VTI1A: variants seen among roughly 807,000 people sequenced by gnomAD.
The protein encoded by VTI1A is vesicle transport through interaction with t-SNAREs 1A.
A neutral mutation model predicts 34.9 loss-of-function variants in VTI1A; 22 were observed. That is an observed-to-expected ratio of 0.63 (90% CI 0.45 to 0.90). VTI1A has a LOEUF of 0.90. VTI1A is among the 40% of genes least tolerant of loss of function. The pLI is 0.00. For synonymous variants in VTI1A, 87 were observed against 97.3 expected (o/e 0.89, Z 0.62); for missense variants, 268 against 275.6 (o/e 0.97, Z 0.20).
intron 3 of VTI1A, among the ~76,000 whole-genome samples, chr10:112,500,476 G>A (rs983076197): frequency 1.4e-4 from 22 of 151,842 alleles, no homozygotes; most frequent in African/African-American, 5.3e-4. Context: ...AAAGAAAATT[G>A]TTGCCAACAT....
intron 1 of VTI1A, chr10:112,450,589 C>T (rs979822434): frequency 6.6e-6 from 1 of 152,032 alleles, no homozygotes; most frequent in Non-Finnish European, 1.5e-5. Flanking sequence ...GAACTTTACT[C>T]TGCTGTGCAT....
At chr10:112,751,257 G>A (rs996579786) in intron 7 of VTI1A, among the ~76,000 whole-genome samples, 4 of 152,108 alleles carry the variant, frequency 2.6e-5, no homozygotes, top group African/African-American at 9.7e-5. Flanking sequence ...GTTGAAGAAA[G>A]GTTTGCTGGG....
At chr10:112,660,508 TA>T (rs1315055007) in intron 5 of VTI1A, among the ~76,000 whole-genome samples, 2 of 152,308 alleles carry the variant, frequency 1.3e-5, no homozygotes, top group East Asian at 3.9e-4. Flanking sequence ...TTACCTAAAT[TA>T]AACCCCAAGT....
chr10:112,505,776 C>T (rs1234393465), intron 3 of VTI1A, among the ~76,000 whole-genome samples: 1 of 151,924 alleles, frequency 6.6e-6, no homozygotes, highest in Non-Finnish European at 1.5e-5. Flanking sequence ...CAGGCTCAAG[C>T]AATCCTCCCA....
chr10:112,624,081 C>T (rs1845830322), intron 5 of VTI1A, among the ~76,000 whole-genome samples: 1 of 152,168 alleles, frequency 6.6e-6, no homozygotes, highest in Non-Finnish European at 1.5e-5. Context: ...CTTAGGGGCT[C>T]AGGAGTTGAA....
intron 5 of VTI1A, among the ~76,000 whole-genome samples, chr10:112,590,368 G>T (rs1941164618): frequency 6.6e-6 from 1 of 152,158 alleles, no homozygotes; most frequent in African/African-American, 2.4e-5. Context: ...CTCTATATAT[G>T]TTTGTGTATG....
chr10:112,568,776 C>A (rs975775128), intron 5 of VTI1A, among the ~76,000 whole-genome samples: 3 of 152,146 alleles, frequency 2.0e-5, no homozygotes, highest in African/African-American at 7.2e-5. Context: ...ATCAAGTCTT[C>A]ATGTTTTTCC....
intron 5 of VTI1A, among the ~76,000 whole-genome samples, chr10:112,655,612 C>T (rs1210311129): frequency 1.3e-5 from 2 of 151,806 alleles, no homozygotes; most frequent in African/African-American, 2.4e-5. Context: ...AGCTAAGAAA[C>T]GTGATGAATC....
chr10:112,582,978 A>G (rs1397905400), intron 5 of VTI1A, among the ~76,000 whole-genome samples: 1 of 152,100 alleles, frequency 6.6e-6, no homozygotes, highest in Non-Finnish European at 1.5e-5. Context: ...CCAGGAAGGG[A>G]GGCACGTTTG....
Position 112,818,293 on chromosome 10 carries a change from GA to G in VTI1A, c.*2916del, listed in dbSNP as rs1853580958. ...CATTAAGTAAAGAAATAAAGAGGGG[GA>G]AAAAAGCCTGCCTGTTCCAAAAACC... On this transcript the variant is annotated 3_prime_UTR_variant, in exon 8 of 8. Transcript: ENST00000393077. 4.3e-6 allele frequency: 1 copy of G among 232,720 alleles called. No homozygotes were observed. Among genetic ancestry groups the G allele is most frequent in the Non-Finnish European group, 8.5e-6 (1 of 117,516 alleles). 14.4% of individuals were successfully genotyped at this position (232,720 alleles called of 1,614,324 possible).
intron 1 of VTI1A, among the ~76,000 whole-genome samples, chr10:112,451,354 A>ACTG (rs1245482686): frequency 6.6e-6 from 1 of 152,240 alleles, no homozygotes; most frequent in African/African-American, 2.4e-5. Flanking sequence ...TAATGATATT[A>ACTG]CTGCTGCTGC....
intron 1 of VTI1A, among the ~76,000 whole-genome samples, chr10:112,453,278 C>T (rs1457151493): frequency 6.6e-6 from 1 of 152,114 alleles, no homozygotes; most frequent in Non-Finnish European, 1.5e-5. Flanking sequence ...TGATGTTAAC[C>T]TTTATCACGT....
chr10:112,520,358 C>T (rs1471264359), intron 3 of VTI1A, among the ~76,000 whole-genome samples: 1 of 151,970 alleles, frequency 6.6e-6, no homozygotes, highest in Non-Finnish European at 1.5e-5. Flanking sequence ...CAAGCATATG[C>T]AAGCAAGTGG....
At chr10:112,611,525 T>A (rs965006270) in intron 5 of VTI1A, among the ~76,000 whole-genome samples, 1 of 152,102 alleles carries the variant, frequency 6.6e-6, no homozygotes, top group East Asian at 1.9e-4. Flanking sequence ...AAAATGAGGG[T>A]GAGGTTCAGT....
chr10:112,607,982 A>G (rs535652505), intron 5 of VTI1A, among the ~76,000 whole-genome samples: 21 of 152,286 alleles, frequency 1.4e-4, no homozygotes, highest in Middle Eastern at 3.4e-3. Context: ...CTAACCTTGG[A>G]ATTGACACCT....
intron 5 of VTI1A, among the ~76,000 whole-genome samples, chr10:112,639,589 C>T (rs1211971936): frequency 6.6e-6 from 1 of 152,148 alleles, no homozygotes; most frequent in Non-Finnish European, 1.5e-5. Flanking sequence ...TAAGAACTGA[C>T]ATGGGGTGAC....
chr10:112,710,003 T>G (rs780649974), intron 7 of VTI1A, among the ~76,000 whole-genome samples: 48 of 144,950 alleles, frequency 3.3e-4, no homozygotes, highest in Non-Finnish European at 1.2e-4. Flanking sequence ...AGATCTAGTA[T>G]GCCTTAAGTT....
At chr10:112,531,482 G>GAAAAAAAAAAA (rs11284977) in intron 4 of VTI1A, among the ~76,000 whole-genome samples, 1 of 140,104 alleles carries the variant, frequency 7.1e-6, no homozygotes. Flanking sequence ...CCTAAGCAAA[G>GAAAAAAAAAAA]AAAAAAAAAA....
At chr10:112,457,785 T>C (rs1847587913) in intron 1 of VTI1A, among the ~76,000 whole-genome samples, 1 of 151,956 alleles carries the variant, frequency 6.6e-6, no homozygotes, top group South Asian at 2.1e-4. Context: ...GCCTGAAAAA[T>C]ACAATGCCTA....
Sources: gnomAD v4.1 joint callset for allele counts (sites outside exome capture counted in the v4.1 genomes callset) on GRCh38, gnomAD v4.1.1 for gene constraint, MANE v1.5 for transcripts, NCBI Gene and HGNC (gene_info 2026-07-23, HGNC 2026-07-21) for gene names.